The following AFG2A variants were observed in gnomAD, a reference collection of about 807,000 sequenced individuals.
The protein encoded by AFG2A is AAA ATPase AFG2A.
At chr4:122,947,836 A>T in the AFG2A span, among the ~76,000 whole-genome samples, 1 of 151,850 alleles carries the variant, frequency 6.6e-6, no homozygotes, top group East Asian at 1.9e-4. Flanking sequence ...ATAAAAACTT[A>T]AAAAATATAG....
chr4:123,176,154 C>T, the AFG2A span, among the ~76,000 whole-genome samples: 1 of 152,200 alleles, frequency 6.6e-6, no homozygotes, highest in African/African-American at 2.4e-5. Context: ...GTCACTCTTA[C>T]TAGCTGGAAC....
At chr4:123,238,110 A>G in the AFG2A span, among the ~76,000 whole-genome samples, 1 of 152,236 alleles carries the variant, frequency 6.6e-6, no homozygotes, top group African/African-American at 2.4e-5. Context: ...GCGAGGCTGC[A>G]GCCTGGCAGG....
At chr4:123,088,565 T>C in the AFG2A span, among the ~76,000 whole-genome samples, 4 of 152,164 alleles carry the variant, frequency 2.6e-5, no homozygotes, top group African/African-American at 9.7e-5. Flanking sequence ...CCAACTCTCA[T>C]GTCAAATTGT....
the AFG2A span, among the ~76,000 whole-genome samples, chr4:123,054,987 A>G: frequency 2.6e-5 from 4 of 152,076 alleles, no homozygotes; most frequent in African/African-American, 9.7e-5. Context: ...ATCATCTTTC[A>G]TTAATACCTC....
the AFG2A span, among the ~76,000 whole-genome samples, chr4:123,008,598 G>C: frequency 6.6e-6 from 1 of 152,124 alleles, no homozygotes; most frequent in Admixed American, 6.5e-5. Context: ...TAAAATTGCT[G>C]TCTGAATTTC....
the AFG2A span, among the ~76,000 whole-genome samples, chr4:123,303,601 TAA>T: frequency 1.3e-5 from 2 of 151,882 alleles, no homozygotes; most frequent in South Asian, 4.2e-4. Context: ...TTCATCTCTA[TAA>T]AACATAAAAA....
the AFG2A span, among the ~76,000 whole-genome samples, chr4:123,091,806 G>A: frequency 5.1e-4 from 77 of 152,164 alleles, no homozygotes; most frequent in Admixed American, 2.7e-3. Flanking sequence ...ATTTTATAAG[G>A]ATTTAAGTTG....
the AFG2A span, among the ~76,000 whole-genome samples, chr4:123,217,312 T>C: frequency 6.6e-6 from 1 of 152,122 alleles, no homozygotes; most frequent in East Asian, 1.9e-4. Context: ...GCAGTGTTGT[T>C]AAATAGAAAA....
chr4:122,956,186 A>G, the AFG2A span, among the ~76,000 whole-genome samples: 1 of 152,244 alleles, frequency 6.6e-6, no homozygotes, highest in Admixed American at 6.5e-5. Flanking sequence ...TAAAAATGTA[A>G]AAATGTAGTG....
At chr4:123,285,704 G>A in the AFG2A span, among the ~76,000 whole-genome samples, 1 of 152,254 alleles carries the variant, frequency 6.6e-6, no homozygotes, top group South Asian at 2.1e-4. Flanking sequence ...CTGAGCTATG[G>A]TGGGTAAAGA....
At chr4:122,945,693 C>G in the AFG2A span, among the ~76,000 whole-genome samples, 1 of 152,216 alleles carries the variant, frequency 6.6e-6, no homozygotes, top group Non-Finnish European at 1.5e-5. Flanking sequence ...TGAGATGAAC[C>G]TGGTACCTCA....
chr4:123,255,062 C>G, the AFG2A span, among the ~76,000 whole-genome samples: 5 of 152,272 alleles, frequency 3.3e-5, no homozygotes, highest in South Asian at 8.3e-4. Flanking sequence ...CTCCTGGGCT[C>G]AAGTGATCCT....
At chr4:122,991,667 T>C in the AFG2A span, among the ~76,000 whole-genome samples, 2 of 152,232 alleles carry the variant, frequency 1.3e-5, no homozygotes, top group Admixed American at 1.3e-4. Context: ...GCTCTATGGG[T>C]AGGAATATTC....
the AFG2A span, among the ~76,000 whole-genome samples, chr4:123,117,106 C>G: frequency 6.6e-6 from 1 of 152,066 alleles, no homozygotes; most frequent in East Asian, 1.9e-4. Context: ...TTTTTATAAA[C>G]TTGTCAGATG....
the AFG2A span, among the ~76,000 whole-genome samples, chr4:122,965,378 T>C: frequency 1.3e-5 from 2 of 152,206 alleles, no homozygotes; most frequent in Non-Finnish European, 2.9e-5. Flanking sequence ...TTTAGAATAA[T>C]TGCTCTTGTC....
the AFG2A span, among the ~76,000 whole-genome samples, chr4:123,241,280 T>G: frequency 6.6e-6 from 1 of 152,196 alleles, no homozygotes; most frequent in Non-Finnish European, 1.5e-5. Flanking sequence ...TAACTCATTT[T>G]ATGAGGCCAG....
the AFG2A span, among the ~76,000 whole-genome samples, chr4:122,977,734 T>C: frequency 6.6e-6 from 1 of 152,230 alleles, no homozygotes; most frequent in Non-Finnish European, 1.5e-5. Context: ...GAATGAGGTA[T>C]GTGGACAGCT....
the AFG2A span, chr4:122,938,006 TTTATAA>T: frequency 1.0e-6 from 1 of 986,040 alleles, no homozygotes; most frequent in Non-Finnish European, 1.4e-6. Context: ...TTATAATATC[TTTATAA>T]TATTAAGTGA....
At chr4:123,102,309 A>AAG in the AFG2A span, 2 of 151,338 alleles carry the variant, frequency 1.3e-5, no homozygotes, top group South Asian at 2.1e-4. Context: ...AAAAAAAAAA[A>AAG]AAAGAAAAAG....
Sources: gnomAD v4.1 joint callset for allele counts (sites outside exome capture counted in the v4.1 genomes callset) on GRCh38, gnomAD v4.1.1 for gene constraint, MANE v1.5 for transcripts, NCBI Gene and HGNC (gene_info 2026-07-23, HGNC 2026-07-21) for gene names.